FNDC1: variants seen among roughly 807,000 people sequenced by gnomAD.
The protein encoded by FNDC1 is fibronectin type III domain containing 1.
A neutral mutation model predicts 168.0 loss-of-function variants in FNDC1; 96 were observed. The observed-to-expected ratio is 0.57, with a 90% CI of 0.48 to 0.68. The LOEUF (loss-of-function observed/expected upper bound fraction) is 0.68, where lower values mean the gene tolerates loss of function less well. FNDC1 is among the 30% of genes least tolerant of loss of function. FNDC1 has a pLI of 0.00. For missense variants in FNDC1, 2,587 were observed against 2,482.1 expected, an observed-to-expected ratio of 1.04 and a Z score of -0.90; for synonymous variants, 1,099 against 1,025.9, an observed-to-expected ratio of 1.07 and a Z score of -1.36.
chr6:159,220,093 A>G (rs1459168604), intron 5 of FNDC1, among the ~76,000 whole-genome samples: 4 of 152,142 alleles, frequency 2.6e-5, no homozygotes, highest in Admixed American at 2.0e-4. Flanking sequence ...TAAATAATTT[A>G]CTCATTTATG....
chr6:159,209,508 CT>C (rs1415462206), intron 4 of FNDC1, among the ~76,000 whole-genome samples: 3 of 152,226 alleles, frequency 2.0e-5, no homozygotes, highest in African/African-American at 7.2e-5. Context: ...AGCAAAATCC[CT>C]TTCTTGACTC....
At chr6:159,269,490 CTATCT>C (rs1198374854) in intron 22 of FNDC1, among the ~76,000 whole-genome samples, 1,363 of 135,600 alleles carry the variant, frequency 0.01, 21 homozygotes, top group African/African-American at 0.031. Context: ...ATCTATCTAT[CTATCT>C]ATCTATCCAT....
chr6:159,231,977 C>A lies in FNDC1; in HGVS notation c.1465C>A (p.Gln489Lys), dbSNP rs772222537. The A allele has an allele frequency of 5.0e-6, 8 of 1,614,010 alleles. No individual in the cohort carries two copies. The Admixed American group carries it at 1.3e-4, about 27-fold the overall frequency. ...SPSPRAPASS[Q>K]HPSVPASPQG... The stretch of plus-strand genomic sequence containing the variant: ...TTCTCCCAGAGCTCCAGCTTCCTCC[C>A]AACACCCCTCTGTGCCTGCTTCTCC... Residue 489 changes from glutamine to lysine, a missense_variant, in exon 11 of 23, where the codon CAA (glutamine) becomes AAA (lysine). By Grantham distance (53) the Gln-to-Lys change is moderately conservative. Coordinates refer to ENST00000297267, the MANE Select transcript of FNDC1 (RefSeq NM_032532.3).
chr6:159,184,444 C>T (rs1781950063), intron 1 of FNDC1, among the ~76,000 whole-genome samples: 1 of 152,012 alleles, frequency 6.6e-6, no homozygotes, highest in South Asian at 2.1e-4. Flanking sequence ...TTACCTATGC[C>T]CATTCATAAT....
At chr6:159,170,415 T>C (rs1583843141) in intron 1 of FNDC1, among the ~76,000 whole-genome samples, 3 of 152,234 alleles carry the variant, frequency 2.0e-5, no homozygotes, top group Admixed American at 1.3e-4. Context: ...TTGAGAGCAA[T>C]GCTTTTCAGA....
Position 159,233,691 on chromosome 6 carries a change from C to G in FNDC1, c.3179C>G (p.Ser1060Cys), listed in dbSNP as rs1199954176. The stretch of plus-strand genomic sequence containing the variant: ...TCCTCGGACCCTTACACGGCGAGCT[C>G]CAGAGGGATGCTCCCCACGGCCCTC... Reference protein sequence around the residue: ...HSSSDPYTASSRGMLPTALQN... With the variant: ...HSSSDPYTASCRGMLPTALQN... Residue 1060 changes from serine (S) to cysteine (C), a missense_variant, in exon 11 of 23, where the codon TCC becomes TGC. Ser to Cys is a moderately radical substitution (Grantham distance 112). Transcript: ENST00000297267. The surrounding 1 kb of genome is among the most constrained non-coding windows in gnomAD (Gnocchi z 4.6). 3.2e-6 allele frequency: 5 copies of G among 1,549,694 alleles called. No homozygotes were observed. Among genetic ancestry groups the G allele is most frequent in the Non-Finnish European group, 4.4e-6 (5 of 1,146,990 alleles).
intron 4 of FNDC1, among the ~76,000 whole-genome samples, chr6:159,206,620 G>T (rs1194108694): frequency 6.6e-6 from 1 of 152,194 alleles, no homozygotes; most frequent in Non-Finnish European, 1.5e-5. Context: ...GAAGATTGGG[G>T]TCACCTCTGT....
intron 12 of FNDC1, among the ~76,000 whole-genome samples, chr6:159,238,007 T>C (rs1267305402): frequency 1.3e-5 from 2 of 152,352 alleles, no homozygotes; most frequent in South Asian, 4.1e-4. Context: ...GGTAAAAATA[T>C]TTTGAACATC....
Position 159,234,415 on chromosome 6 carries a change from G to A in FNDC1, c.3903G>A (p.Arg1301=), listed in dbSNP as rs1428791068. 6.2e-7 allele frequency: 1 copy of A among 1,613,684 alleles called. No homozygotes were observed. The highest frequency in any genetic ancestry group is 1.3e-5 in the African/African-American group (1 of 75,064). The stretch of plus-strand genomic sequence containing the variant: ...CCCCGATGCTGTCCTTGCGCCAGAG[G>A]ATGATGCATGCCAGATTCCGTAACC... The part of the protein sequence containing the change: ...STTPMLSLRQ[R]MMHARFRNPL... The change falls in exon 11 of 23, where the codon AGG becomes AGA. Residue 1301 remains arginine, a synonymous_variant. Coordinates refer to ENST00000297267, the MANE Select transcript of FNDC1 (RefSeq NM_032532.3).
chr6:159,266,364 C>A, intron 21 of FNDC1, 119 bp downstream of exon 21: 2 of 1,056,918 alleles, frequency 1.9e-6, no homozygotes, highest in Non-Finnish European at 2.8e-6. Context: ...GACTATGGCT[C>A]ACTCTGCCTC....
rs188668588 is a variant in FNDC1 at position 159,221,439 on chromosome 6, C to T, written c.668-159C>T. ...GTTTAATTCCTGCAGTTCTTGGGCT[C>T]GCCCTTCATAGTCCTCAAGAAGTGG... On this transcript the variant is annotated intron_variant, in intron 5 of 22. Coordinates refer to ENST00000297267, the MANE Select transcript of FNDC1 (RefSeq NM_032532.3). 5.9e-5 allele frequency among the ~76,000 whole-genome samples: 9 copies of T among 152,196 alleles called. No individual in the cohort carries two copies. In the East Asian group the frequency reaches 7.7e-4, roughly 13 times the overall value.
chr6:159,257,980 A>T (rs143582503), intron 18 of FNDC1, among the ~76,000 whole-genome samples: 28 of 149,946 alleles, frequency 1.9e-4, no homozygotes, highest in African/African-American at 6.4e-4. Context: ...AAAAGCCAAG[A>T]GGCCTTCCAG....
At position 159,169,517 on chromosome 6, in the gene FNDC1, C is replaced by A; in HGVS notation, c.-80C>A. On this transcript the variant is annotated 5_prime_UTR_variant, in exon 1 of 23. Transcript: ENST00000297267. The surrounding 1 kb of genome is among the most constrained non-coding windows in gnomAD (Gnocchi z 6.8). The stretch of plus-strand genomic sequence containing the variant: ...GACGGCGGCGGGGACCCGACGGCGG[C>A]GCCTCGGCACTCCCCAGACTCCGGC... 1 of 315,958 alleles carries A rather than the reference C, an allele frequency of 3.2e-6. No individual in the cohort carries two copies. Among genetic ancestry groups the A allele is most frequent in the Non-Finnish European group, 4.9e-6 (1 of 205,664 alleles). The allele number at this position is 315,958 out of a possible 1,614,324, so 19.6% of individuals were successfully genotyped here. A position where few individuals can be genotyped will look rare whatever the true frequency, so the allele number is the denominator to read the frequency against.
Position 159,232,127 on chromosome 6 carries a change from GA to G in FNDC1, c.1618del (p.Ile540SerfsTer27). The G allele has an allele frequency of 6.2e-7, 1 of 1,613,966 alleles. No homozygotes were observed. The highest frequency in any genetic ancestry group is 8.5e-7 in the Non-Finnish European group (1 of 1,179,876). ...AGAGGAGCTGGATCTTCAGTCGACAGAAATCACTGGGGAGGAGGAGCTGGGT... is the reference window on the plus strand; with the variant it reads ...AGAGGAGCTGGATCTTCAGTCGACAGAATCACTGGGGAGGAGGAGCTGGGT... ...KAEELDLQST[E>X]ITGEEELGSR... On this transcript the variant is annotated frameshift_variant, in exon 11 of 23. Coordinates refer to ENST00000297267, the MANE Select transcript of FNDC1 (RefSeq NM_032532.3). LOFTEE classifies it high-confidence loss of function. The surrounding 1 kb of genome is among the most constrained non-coding windows in gnomAD (Gnocchi z 4.9).
In FNDC1 at chr6:159,256,628, C is replaced by A; in HGVS notation, c.5171C>A (p.Thr1724Lys). The part of the protein sequence containing the change: ...HLPIENLKPN[T>K]RYYFKVQAQN... ...CCCATTGAGAACCTAAAGCCCAACA[C>A]GAGGTACGATGTGTCAGTCATTTAG... Residue 1724 changes from threonine (T) to lysine (K), a missense_variant, in exon 18 of 23, where the codon ACG (threonine) becomes AAG (lysine). By Grantham distance (78) the Thr-to-Lys change is moderately conservative. Transcript: ENST00000297267. 6.2e-7 allele frequency: 1 copy of A among 1,605,292 alleles called. No individual in the cohort carries two copies. The highest frequency in any genetic ancestry group is 8.5e-7 in the Non-Finnish European group (1 of 1,172,040).
rs1305297957 is a variant in FNDC1 at position 159,233,137 on chromosome 6, C to G, written c.2625C>G (p.Ile875Met). The G allele has an allele frequency of 6.2e-7, 1 of 1,604,628 alleles. No individual in the cohort carries two copies. The highest frequency in any genetic ancestry group is 1.3e-5 in the African/African-American group (1 of 74,708). ...CCCACCCTAAGCTTAGCTCAGGTAT[C>G]CATGGAGACGAGGAGGATGAGAAGC... ...SDSHPKLSSG[I>M]HGDEEDEKPL... is the part of the protein sequence containing the mutation. Residue 875 changes from isoleucine to methionine, a missense_variant, in exon 11 of 23, where the codon ATC (isoleucine) becomes ATG (methionine). Transcript: ENST00000297267. This position sits in a 1 kb window ranked among gnomAD's most constrained non-coding sequence, Gnocchi z 4.6.
At chr6:159,228,137 C>G (rs1782994553) in intron 9 of FNDC1, among the ~76,000 whole-genome samples, 1 of 152,208 alleles carries the variant, frequency 6.6e-6, no homozygotes, top group Non-Finnish European at 1.5e-5. Flanking sequence ...CTTCCTCTCT[C>G]CCTCATCTGA....
chr6:159,232,760 G>T lies in FNDC1; in HGVS notation c.2248G>T (p.Ala750Ser). The stretch of plus-strand genomic sequence containing the variant: ...CAAGGGCGGGAAGGATGGTGAGGAC[G>T]CCCCAGCCACCAACTCCAATGCGCC... Reference protein sequence around the residue: ...LSKGGKDGEDAPATNSNAPSR... With the variant: ...LSKGGKDGEDSPATNSNAPSR... Residue 750 changes from alanine to serine, a missense_variant, in exon 11 of 23, where the codon GCC becomes TCC. Coordinates refer to ENST00000297267, the MANE Select transcript of FNDC1 (RefSeq NM_032532.3). This position sits in a 1 kb window ranked among gnomAD's most constrained non-coding sequence, Gnocchi z 4.9. 1.2e-6 allele frequency: 2 copies of T among 1,613,836 alleles called. No individual in the cohort carries two copies. Among genetic ancestry groups the T allele is most frequent in the Non-Finnish European group, 1.7e-6 (2 of 1,179,870 alleles).
Position 159,250,953 on chromosome 6 carries a change from G to A in FNDC1, c.4835-349G>A, listed in dbSNP as rs186060868. ...AGAATGCTAGTAAAGTGTTGGGTGG[G>A]CCTGACTCACCCTTTTCCAAATGTG... On this transcript the variant is annotated intron_variant, in intron 16 of 22. Transcript: ENST00000297267. Among the ~76,000 whole-genome samples, 849 of 152,306 alleles carry A rather than the reference G, an allele frequency of 5.6e-3. 3 individuals carry two copies. Among genetic ancestry groups the A allele is most frequent in the Non-Finnish European group, 6.9e-3 (467 of 68,014 alleles).
Sources: allele counts gnomAD v4.1 joint callset (sites outside exome capture counted in the v4.1 genomes callset), GRCh38; gene constraint gnomAD v4.1.1; non-coding constraint Gnocchi (gnomAD v3.1); transcripts MANE v1.5; gene names NCBI Gene and HGNC (gene_info 2026-07-23, HGNC 2026-07-21).